Variants in RNF175 observed in about 807,000 individuals in gnomAD.
RNF175 encodes ring finger protein 175.
A neutral mutation model predicts 50.0 loss-of-function variants in RNF175; 38 were observed. The observed-to-expected ratio is 0.76, with a 90% CI of 0.59 to 1.00. The LOEUF is 1.00. Among genes scored for constraint, RNF175 ranks in the 50% least tolerant of loss-of-function variants. RNF175 has a pLI of 0.00. For synonymous variants in RNF175, 155 were observed against 146.1 expected, an observed-to-expected ratio of 1.06 and a Z score of -0.44; for missense variants, 388 against 409.6, an observed-to-expected ratio of 0.95 and a Z score of 0.46.
intron 3 of RNF175, among the ~76,000 whole-genome samples, chr4:153,746,049 A>G (rs1223286931): frequency 1.3e-5 from 2 of 152,238 alleles, no homozygotes; most frequent in Non-Finnish European, 1.5e-5. Context: ...GTAAAAGTCC[A>G]GTGTCTCATC....
At position 153,712,585 on chromosome 4, in the gene RNF175, TC is replaced by T; in HGVS notation, c.765-10del. Reference sequence around the variant, plus strand: ...TGCAGAATTCATGAAAGCTGAAGCATCTTGTTAGGGAGGCTTCTAGATATGA... The same window carrying T: ...TGCAGAATTCATGAAAGCTGAAGCATTTGTTAGGGAGGCTTCTAGATATGA... On this transcript the variant is annotated splice_polypyrimidine_tract_variant and intron_variant, in intron 7 of 8. Transcript: ENST00000347063. 1 of 1,585,524 alleles carries T rather than the reference TC, an allele frequency of 6.3e-7. No homozygotes were observed. The highest frequency in any genetic ancestry group is 8.7e-7 in the Non-Finnish European group (1 of 1,155,122).
intron 3 of RNF175, among the ~76,000 whole-genome samples, chr4:153,733,417 G>C (rs572125623): frequency 1.8e-4 from 28 of 152,036 alleles, no homozygotes; most frequent in Non-Finnish European, 4.0e-4. Context: ...CATTCCAACA[G>C]TAAGTAACCT....
At chr4:153,748,524 C>A (rs1223129418) in intron 3 of RNF175, 121 bp downstream of exon 3, 2 of 846,834 alleles carry the variant, frequency 2.4e-6, no homozygotes, top group Non-Finnish European at 3.4e-6. Context: ...GGTTGAGAAC[C>A]ACTGACTTAA....
At chr4:153,720,053 A>G (rs1195169512) in intron 6 of RNF175, 131 bp downstream of exon 6, 3 of 901,820 alleles carry the variant, frequency 3.3e-6, no homozygotes, top group Non-Finnish European at 4.8e-6. Flanking sequence ...GAACCAAAAG[A>G]GTTCCAAAGG....
chr4:153,756,477 C>T (rs1740571250), intron 1 of RNF175, among the ~76,000 whole-genome samples: 1 of 152,146 alleles, frequency 6.6e-6, no homozygotes, highest in East Asian at 1.9e-4. Context: ...GCAGAAAAGC[C>T]TGGGGCATCA....
intron 5 of RNF175, 147 bp downstream of exon 5, chr4:153,723,204 A>G (rs984145127): frequency 2.1e-6 from 1 of 473,914 alleles, no homozygotes; most frequent in Non-Finnish European, 3.8e-6. Flanking sequence ...GGTTTTCCCC[A>G]GAGAAGACTA....
intron 8 of RNF175, 105 bp from the exon 9 acceptor site, chr4:153,710,594 T>C (rs1443437761): frequency 9.1e-7 from 1 of 1,101,544 alleles, no homozygotes; most frequent in Non-Finnish European, 1.3e-6. Context: ...GGGTATTTCC[T>C]TTCTTGTTAA....
chr4:153,719,620 A>G (rs1166184644), intron 6 of RNF175, among the ~76,000 whole-genome samples: 1 of 152,258 alleles, frequency 6.6e-6, no homozygotes, highest in Admixed American at 6.5e-5. Context: ...AAAGAAAAGA[A>G]AAACAACTGT....
intron 3 of RNF175, among the ~76,000 whole-genome samples, chr4:153,735,716 A>G (rs1739319338): frequency 6.6e-6 from 1 of 152,060 alleles, no homozygotes; most frequent in African/African-American, 2.4e-5. Context: ...GATCCTGTAC[A>G]TATTTTGATA....
intron 1 of RNF175, among the ~76,000 whole-genome samples, chr4:153,754,720 C>T (rs1740478688): frequency 6.6e-6 from 1 of 152,156 alleles, no homozygotes; most frequent in Non-Finnish European, 1.5e-5. Context: ...GAAGATTTGA[C>T]ATCCAGAGAC....
At chr4:153,718,241 T>A (rs1738104808) in intron 6 of RNF175, among the ~76,000 whole-genome samples, 1 of 136,284 alleles carries the variant, frequency 7.3e-6, no homozygotes, top group Admixed American at 7.4e-5. Flanking sequence ...TTTGTTTGTT[T>A]TTTTTTTTTT....
chr4:153,758,555 C>A (rs1220282069), intron 1 of RNF175, among the ~76,000 whole-genome samples: 3 of 152,162 alleles, frequency 2.0e-5, no homozygotes, highest in Non-Finnish European at 4.4e-5. Context: ...GGCATGCATT[C>A]ATCAATTCAG....
At position 153,737,033 on chromosome 4, in the gene RNF175, AT is replaced by A. The variant is rs569847075; in HGVS notation, c.247-8673del. 2.6e-3 allele frequency among the ~76,000 whole-genome samples: 394 copies of A among 152,006 alleles called. 1 individual carries two copies. The highest frequency in any genetic ancestry group is 3.5e-3 in the Non-Finnish European group (241 of 67,942). The stretch of plus-strand genomic sequence containing the variant: ...GCCATGATGCCTGGCTAATTTTCAA[AT>A]TTTTTGTAGAGATGGGGTCTCATTA... On this transcript the variant is annotated intron_variant, in intron 3 of 8. Transcript: ENST00000347063.
At chr4:153,731,142 G>A (rs2606323) in intron 3 of RNF175, among the ~76,000 whole-genome samples, 147,255 of 152,346 alleles carry the variant, frequency 0.97, 71,334 homozygotes, top group Non-Finnish European at 1. Flanking sequence ...TGTGAATTCA[G>A]TGATTGCATG....
At chr4:153,741,393 G>T (rs1739649426) in intron 3 of RNF175, among the ~76,000 whole-genome samples, 1 of 152,202 alleles carries the variant, frequency 6.6e-6, no homozygotes, top group Admixed American at 6.5e-5. Flanking sequence ...TGGGGTAGCT[G>T]GAGGTAAAAC....
At position 153,751,494 on chromosome 4, in the gene RNF175, G is replaced by T; in HGVS notation, c.67-19C>A. The T allele has an allele frequency of 6.5e-7, 1 of 1,545,074 alleles. No homozygotes were observed. The highest frequency in any genetic ancestry group is 2.4e-5 in the East Asian group (1 of 41,938). ...GAGAGAGCTGAAAAACATAAAAAGG[G>T]CCCTTATCAAAAAATGTCCTTATTT... On this transcript the variant is annotated intron_variant, in intron 1 of 8. Coordinates refer to ENST00000347063, the MANE Select transcript of RNF175 (RefSeq NM_173662.4).
At chr4:153,723,601 C>G (rs1411551733) in intron 4 of RNF175, 143 bp from the exon 5 acceptor site, 3 of 584,950 alleles carry the variant, frequency 5.1e-6, no homozygotes, top group African/African-American at 3.7e-5. Flanking sequence ...TTATAACACA[C>G]AGAACACAGA....
intron 8 of RNF175, among the ~76,000 whole-genome samples, chr4:153,711,295 A>G (rs1205426618): frequency 6.6e-6 from 1 of 152,018 alleles, no homozygotes; most frequent in Admixed American, 6.6e-5. Context: ...ATCATCACAC[A>G]CTTTTAGCCT....
intron 6 of RNF175, among the ~76,000 whole-genome samples, chr4:153,716,927 C>A (rs916720178): frequency 3.9e-5 from 6 of 152,176 alleles, no homozygotes; most frequent in Middle Eastern, 3.2e-3. Context: ...CTGCAAAATA[C>A]CTTTGCATCA....
Sources: allele counts gnomAD v4.1 joint callset (sites outside exome capture counted in the v4.1 genomes callset), GRCh38; gene constraint gnomAD v4.1.1; transcripts MANE v1.5; gene names NCBI Gene and HGNC (gene_info 2026-07-23, HGNC 2026-07-21).